Variants in NEBL observed in about 807,000 individuals in gnomAD.
NEBL encodes the protein LIM and SH3 protein 2.
Under a neutral mutation model 140.2 loss-of-function variants are expected in NEBL, and 122 were observed. That is an observed-to-expected ratio of 0.87 (90% confidence interval 0.75 to 1.01). NEBL has a LOEUF of 1.01. NEBL is among the 50% of genes least tolerant of loss of function. The pLI is 0.00. For missense variants in NEBL, 1,365 were observed against 1,231.3 expected (o/e 1.11, Z -1.62); for synonymous variants, 436 against 398.9 (o/e 1.09, Z -1.11).
intron 5 of NEBL, among the ~76,000 whole-genome samples, chr10:20,879,382 C>T (rs1845807765): frequency 6.6e-6 from 1 of 152,194 alleles, no homozygotes; most frequent in Admixed American, 6.5e-5. Flanking sequence ...CTTAAGCAAA[C>T]AGTTCTTATA....
At chr10:20,793,148 A>T (rs965243881) in intron 26 of NEBL, among the ~76,000 whole-genome samples, 11 of 152,188 alleles carry the variant, frequency 7.2e-5, no homozygotes, top group Non-Finnish European at 1.5e-4. Context: ...AGCTCTGAAT[A>T]GGGAAGTGCC....
At chr10:20,957,337 A>G (rs928795006) in intron 4 of NEBL, among the ~76,000 whole-genome samples, 2 of 152,220 alleles carry the variant, frequency 1.3e-5, no homozygotes, top group Admixed American at 1.3e-4. Flanking sequence ...AAAAATAATT[A>G]TATTACAAGA....
chr10:20,937,266 T>C (rs1834541749), intron 4 of NEBL, among the ~76,000 whole-genome samples: 1 of 152,214 alleles, frequency 6.6e-6, no homozygotes, highest in Non-Finnish European at 1.5e-5. Flanking sequence ...CGATTTCATA[T>C]TTTTATTTAA....
intron 26 of NEBL, chr10:20,793,509 C>T (rs749164849): frequency 1.1e-4 from 22 of 192,930 alleles, no homozygotes; most frequent in South Asian, 1.8e-4. Context: ...TCTAGGGTGG[C>T]GGTAAAGGAA....
intron 9 of NEBL, among the ~76,000 whole-genome samples, chr10:20,853,268 A>G (rs1035202971): frequency 4.6e-5 from 7 of 152,200 alleles, no homozygotes; most frequent in African/African-American, 1.7e-4. Context: ...AAAAAATTGG[A>G]TGAAGGCTAC....
chr10:21,194,704 G>C (rs1462273993), intron 3 of NEBL, among the ~76,000 whole-genome samples: 1 of 152,110 alleles, frequency 6.6e-6, no homozygotes, highest in Non-Finnish European at 1.5e-5. Context: ...CCTCTCCCCA[G>C]ATCTGTCCTG....
intron 2 of NEBL, among the ~76,000 whole-genome samples, chr10:21,117,873 C>T (rs928077661): frequency 2.7e-5 from 4 of 149,830 alleles, no homozygotes; most frequent in African/African-American, 9.8e-5. Context: ...ATCTCTATGA[C>T]CTTACATAAG....
chr10:20,950,030 T>C (rs1254710547), intron 4 of NEBL, among the ~76,000 whole-genome samples: 1 of 152,210 alleles, frequency 6.6e-6, no homozygotes, highest in Non-Finnish European at 1.5e-5. Context: ...CCTGAGTTTG[T>C]TACCCTCTGA....
intron 4 of NEBL, among the ~76,000 whole-genome samples, chr10:20,936,431 C>T (rs1834490010): frequency 6.6e-6 from 1 of 152,180 alleles, no homozygotes; most frequent in Admixed American, 6.5e-5. Context: ...AAATGGTGGA[C>T]AAAGATTATG....
At chr10:21,057,294 T>C (rs372526855) in intron 2 of NEBL, among the ~76,000 whole-genome samples, 20 of 151,548 alleles carry the variant, frequency 1.3e-4, no homozygotes, top group African/African-American at 4.4e-4. Context: ...TAAGGCAGAG[T>C]AATGTGTGTA....
At chr10:20,943,611 A>G (rs907515067) in intron 4 of NEBL, among the ~76,000 whole-genome samples, 3 of 152,130 alleles carry the variant, frequency 2.0e-5, no homozygotes, top group African/African-American at 7.2e-5. Context: ...AAGTTGAAAG[A>G]GCCTTACGAA....
intron 2 of NEBL, among the ~76,000 whole-genome samples, chr10:21,081,552 C>T (rs1836370234): frequency 6.6e-6 from 1 of 152,120 alleles, no homozygotes; most frequent in African/African-American, 2.4e-5. Context: ...TAAACACATA[C>T]ATTTCCTAGC....
intron 3 of NEBL, among the ~76,000 whole-genome samples, chr10:21,012,701 C>CGATA (rs1380111064): frequency 1.3e-5 from 2 of 152,006 alleles, no homozygotes; most frequent in Non-Finnish European, 2.9e-5. Context: ...ACATCCTCCT[C>CGATA]GATAGATAGA....
intron 4 of NEBL, among the ~76,000 whole-genome samples, chr10:20,941,281 C>T (rs963708774): frequency 1.3e-5 from 2 of 152,310 alleles, no homozygotes; most frequent in African/African-American, 4.8e-5. Context: ...GCCGGTTCAA[C>T]ATACGCAAAT....
At chr10:21,065,733 C>A (rs1375493790) in intron 2 of NEBL, among the ~76,000 whole-genome samples, 2 of 152,176 alleles carry the variant, frequency 1.3e-5, no homozygotes, top group Non-Finnish European at 2.9e-5. Context: ...TTTAATCCTG[C>A]AGCTGAAAAG....
intron 2 of NEBL, among the ~76,000 whole-genome samples, chr10:21,147,211 C>T (rs1839933005): frequency 6.6e-6 from 1 of 152,122 alleles, no homozygotes; most frequent in Admixed American, 6.5e-5. Context: ...ACACACACTC[C>T]CCTCTCTGAG....
At chr10:20,880,708 T>C (rs1845938471) in intron 5 of NEBL, 86 bp downstream of exon 5, 8 of 973,288 alleles carry the variant, frequency 8.2e-6, no homozygotes, top group Non-Finnish European at 1.3e-5. Flanking sequence ...GCTGTTGTAA[T>C]GTTTAAATTT....
chr10:21,115,786 A>AT (rs1337907994), intron 2 of NEBL, among the ~76,000 whole-genome samples: 1 of 151,036 alleles, frequency 6.6e-6, no homozygotes, highest in Non-Finnish European at 1.5e-5. Flanking sequence ...ATTTCTTTAG[A>AT]TTTTTTTCTG....
chr10:21,053,434 T>G (rs1269834441), intron 2 of NEBL, among the ~76,000 whole-genome samples: 1 of 152,218 alleles, frequency 6.6e-6, no homozygotes, highest in African/African-American at 2.4e-5. Context: ...TTATCTATGA[T>G]TGTTTCTGAA....
Sources: gnomAD v4.1 joint callset for allele counts (sites outside exome capture counted in the v4.1 genomes callset) on GRCh38, gnomAD v4.1.1 for gene constraint, MANE v1.5 for transcripts, NCBI Gene and HGNC (gene_info 2026-07-23, HGNC 2026-07-21) for gene names.